LRRIQ3: variants seen among roughly 807,000 people sequenced by gnomAD.
LRRIQ3 encodes leucine rich repeats and IQ motif containing 3, also known as leucine-rich repeat and IQ domain-containing protein 3.
Under a neutral mutation model 59.3 loss-of-function variants are expected in LRRIQ3, and 75 were observed. That is an observed-to-expected ratio of 1.26 (90% CI 1.05 to 1.53). The LOEUF is 1.53. Ranked by LOEUF, LRRIQ3 falls within the 40% of genes most tolerant of loss-of-function variation. The pLI, the probability that LRRIQ3 is intolerant of heterozygous loss-of-function variation, is 0.00. For missense variants in LRRIQ3, 831 were observed against 710.0 expected, an observed-to-expected ratio of 1.17 and a Z score of -1.94; for synonymous variants, 250 against 231.3, an observed-to-expected ratio of 1.08 and a Z score of -0.73.
intron 4 of LRRIQ3, among the ~76,000 whole-genome samples, chr1:74,125,638 A>G (rs1197602595): frequency 6.6e-6 from 1 of 151,958 alleles, no homozygotes; most frequent in East Asian, 1.9e-4. Flanking sequence ...AATTCTGTTA[A>G]TATAATGCAC....
chr1:74,060,941 A>T (rs1329334293), intron 6 of LRRIQ3, among the ~76,000 whole-genome samples: 1 of 152,094 alleles, frequency 6.6e-6, no homozygotes, highest in Non-Finnish European at 1.5e-5. Context: ...TTTAGCAGGC[A>T]AGAAGCGTCC....
At chr1:74,189,840 C>A (rs537930876) in intron 1 of LRRIQ3, among the ~76,000 whole-genome samples, 2 of 152,232 alleles carry the variant, frequency 1.3e-5, no homozygotes, top group East Asian at 1.9e-4. Flanking sequence ...GTCCACTGAG[C>A]CTCTTTTTCT....
chr1:74,103,239 T>A (rs1370259500), intron 5 of LRRIQ3, among the ~76,000 whole-genome samples: 1 of 151,964 alleles, frequency 6.6e-6, no homozygotes, highest in African/African-American at 2.4e-5. Context: ...CCCAGTGAGA[T>A]TTTTCTAGCT....
intron 3 of LRRIQ3, among the ~76,000 whole-genome samples, chr1:74,158,726 G>A (rs1031461295): frequency 9.9e-5 from 15 of 152,242 alleles, no homozygotes; most frequent in Non-Finnish European, 1.0e-4. Flanking sequence ...TTACTGAAAA[G>A]AAGCACCCTG....
intron 4 of LRRIQ3, among the ~76,000 whole-genome samples, chr1:74,112,057 A>G (rs957790720): frequency 6.6e-6 from 1 of 152,088 alleles, no homozygotes; most frequent in Non-Finnish European, 1.5e-5. Context: ...ACTCCAGATC[A>G]CTTGTAAGAT....
chr1:74,104,017 T>C (rs536011716), intron 5 of LRRIQ3, among the ~76,000 whole-genome samples: 55 of 151,966 alleles, frequency 3.6e-4, no homozygotes, highest in Admixed American at 8.5e-4. Context: ...TCCTCTCTTA[T>C]ATAGGACAGG....
intron 4 of LRRIQ3, among the ~76,000 whole-genome samples, chr1:74,123,966 A>C (rs910674912): frequency 6.6e-6 from 1 of 151,924 alleles, no homozygotes; most frequent in Admixed American, 6.6e-5. Context: ...AGTAACCAAA[A>C]CAACATAGTA....
chr1:74,121,308 T>C (rs1192434838), intron 4 of LRRIQ3, among the ~76,000 whole-genome samples: 1 of 152,142 alleles, frequency 6.6e-6, no homozygotes, highest in East Asian at 1.9e-4. Context: ...TTCCATGTCA[T>C]GGCAAACAAA....
chr1:74,186,887 G>T (rs1422278046), intron 1 of LRRIQ3, among the ~76,000 whole-genome samples: 1 of 151,832 alleles, frequency 6.6e-6, no homozygotes, highest in Admixed American at 6.6e-5. Context: ...TTAATGCAGT[G>T]TCTTTTCCTC....
intron 3 of LRRIQ3, among the ~76,000 whole-genome samples, chr1:74,168,582 A>G (rs933011898): frequency 6.6e-6 from 1 of 152,024 alleles, no homozygotes; most frequent in Non-Finnish European, 1.5e-5. Flanking sequence ...TTTACTGTAA[A>G]TTTTAATGTA....
chr1:74,169,205 T>C (rs1424005461), intron 3 of LRRIQ3, among the ~76,000 whole-genome samples: 1 of 152,168 alleles, frequency 6.6e-6, no homozygotes, highest in African/African-American at 2.4e-5. Flanking sequence ...TGTTTCACCT[T>C]GCAGAGTATC....
At chr1:74,130,899 GAT>G (rs1378531856) in intron 4 of LRRIQ3, among the ~76,000 whole-genome samples, 1 of 152,032 alleles carries the variant, frequency 6.6e-6, no homozygotes, top group Non-Finnish European at 1.5e-5. Context: ...AACTGAAGGA[GAT>G]AAAGACACAA....
intron 5 of LRRIQ3, among the ~76,000 whole-genome samples, chr1:74,101,599 C>A (rs1646534120): frequency 6.6e-6 from 1 of 152,136 alleles, no homozygotes. Context: ...GCTATAAAGA[C>A]ACATGCACAT....
intron 5 of LRRIQ3, among the ~76,000 whole-genome samples, chr1:74,077,973 C>G (rs549057347): frequency 2.0e-5 from 3 of 151,970 alleles, no homozygotes; most frequent in South Asian, 2.1e-4. Flanking sequence ...AGACTTAACA[C>G]TGGTCCTCAA....
intron 3 of LRRIQ3, among the ~76,000 whole-genome samples, chr1:74,179,751 C>T (rs1386818019): frequency 6.6e-6 from 1 of 151,900 alleles, no homozygotes; most frequent in Non-Finnish European, 1.5e-5. Context: ...GTTATTCAAA[C>T]AGATTTCTTT....
chr1:74,190,168 A>T (rs570526046), intron 1 of LRRIQ3, among the ~76,000 whole-genome samples: 2 of 152,260 alleles, frequency 1.3e-5, no homozygotes, highest in East Asian at 3.9e-4. Context: ...ACAGAAACTC[A>T]TCAGGAACAG....
At chr1:74,084,569 T>C (rs1646307105) in intron 5 of LRRIQ3, among the ~76,000 whole-genome samples, 1 of 151,732 alleles carries the variant, frequency 6.6e-6, no homozygotes, top group Non-Finnish European at 1.5e-5. Flanking sequence ...TATATTTATT[T>C]CCCACAGAAA....
chr1:74,164,986 T>C (rs935967483), intron 3 of LRRIQ3, among the ~76,000 whole-genome samples: 4 of 151,668 alleles, frequency 2.6e-5, no homozygotes, highest in African/African-American at 9.6e-5. Flanking sequence ...TGCATGAACC[T>C]ATTTTTAGGT....
At chr1:74,173,888 T>C (rs1649478551) in intron 3 of LRRIQ3, among the ~76,000 whole-genome samples, 1 of 152,114 alleles carries the variant, frequency 6.6e-6, no homozygotes, top group Admixed American at 6.5e-5. Flanking sequence ...CTAGGCATAG[T>C]ATTTTTGGTT....
Sources: gnomAD v4.1 joint callset for allele counts (sites outside exome capture counted in the v4.1 genomes callset) on GRCh38, gnomAD v4.1.1 for gene constraint, MANE v1.5 for transcripts, NCBI Gene and HGNC (gene_info 2026-07-23, HGNC 2026-07-21) for gene names.